Variants in SLC44A1 observed in about 807,000 individuals in gnomAD.
SLC44A1 encodes the protein solute carrier family 44 member 1.
A neutral mutation model predicts 79.3 loss-of-function variants in SLC44A1; 26 were observed. The observed-to-expected ratio is 0.33, with a 90% CI of 0.24 to 0.46. The LOEUF (loss-of-function observed/expected upper bound fraction) is 0.46, where lower values mean the gene tolerates loss of function less well. Ranked by LOEUF, SLC44A1 falls within the 20% of genes least tolerant of loss-of-function variation. The pLI, the probability that SLC44A1 is intolerant of heterozygous loss-of-function variation, is 1.00. For synonymous variants in SLC44A1, 263 were observed against 286.2 expected, an observed-to-expected ratio of 0.92 and a Z score of 0.82; for missense variants, 688 against 798.1, an observed-to-expected ratio of 0.86 and a Z score of 1.66.
At chr9:105,250,774 T>C (rs1829565394) in intron 1 of SLC44A1, among the ~76,000 whole-genome samples, 1 of 152,212 alleles carries the variant, frequency 6.6e-6, no homozygotes, top group South Asian at 2.1e-4. Flanking sequence ...TTGGAATCAC[T>C]TGGAGAAGTT....
At chr9:105,435,390 G>C (rs1236728641) in intron 15 of SLC44A1, among the ~76,000 whole-genome samples, 1 of 152,164 alleles carries the variant, frequency 6.6e-6, no homozygotes, top group Non-Finnish European at 1.5e-5. Context: ...AAGAGTGTTG[G>C]GAGTGGAACT....
intron 2 of SLC44A1, among the ~76,000 whole-genome samples, chr9:105,301,490 C>G (rs942909564): frequency 7.2e-5 from 11 of 152,184 alleles, no homozygotes; most frequent in African/African-American, 2.7e-4. Context: ...TCTCAAAGTT[C>G]TATTCCTTGG....
At chr9:105,368,739 T>A (rs891536258) in intron 12 of SLC44A1, among the ~76,000 whole-genome samples, 2 of 152,188 alleles carry the variant, frequency 1.3e-5, no homozygotes, top group African/African-American at 4.8e-5. Context: ...ATTATGTTTT[T>A]AAAGAAAATC....
chr9:105,276,184 C>T (rs915679483), intron 1 of SLC44A1, among the ~76,000 whole-genome samples: 1 of 152,168 alleles, frequency 6.6e-6, no homozygotes. Context: ...TGTCCTTGAT[C>T]TGAGGAAGCA....
chr9:105,389,715 C>T lies in SLC44A1; in HGVS notation c.*659C>T. The T allele has an allele frequency of 7.8e-7, 1 of 1,276,320 alleles. No homozygotes were observed. Among genetic ancestry groups the T allele is most frequent in the Non-Finnish European group, 9.9e-7 (1 of 1,009,192 alleles). The allele number at this position is 1,276,320 out of a possible 1,614,324, so 79.1% of individuals were successfully genotyped here. On this transcript the variant is annotated 3_prime_UTR_variant, in exon 16 of 16. Coordinates refer to ENST00000374720, the MANE Select transcript of SLC44A1 (RefSeq NM_080546.5). ...GTATTTGTAGTTTACCCTAACGCTTCTTTAAAAGAAAGTAGGTAAAAAAAG... is the reference window on the plus strand; with the variant it reads ...GTATTTGTAGTTTACCCTAACGCTTTTTTAAAAGAAAGTAGGTAAAAAAAG...
intron 1 of SLC44A1, among the ~76,000 whole-genome samples, chr9:105,287,997 T>A (rs1313352128): frequency 6.6e-6 from 1 of 152,222 alleles, no homozygotes; most frequent in Non-Finnish European, 1.5e-5. Flanking sequence ...ATATAATGTA[T>A]GTTATTTCTT....
intron 1 of SLC44A1, among the ~76,000 whole-genome samples, chr9:105,262,469 C>T (rs1829863994): frequency 6.6e-6 from 1 of 152,198 alleles, no homozygotes; most frequent in East Asian, 1.9e-4. Context: ...GTTGAAATGA[C>T]CAGCTTTTAA....
In SLC44A1 at chr9:105,407,057, CA is replaced by C. The variant is rs1398253041; in HGVS notation, c.1950+21557del. On this transcript the variant is annotated intron_variant, in intron 15 of 15. Transcript: ENST00000374724. Reference sequence around the variant, plus strand: ...AGAATCACCAAATTTGAAGATAGATCAACTGAGATTATTCAGTCTAAGGAGC... The same window carrying C: ...AGAATCACCAAATTTGAAGATAGATCACTGAGATTATTCAGTCTAAGGAGC... Among the ~76,000 whole-genome samples, 6 of 152,072 alleles carry C rather than the reference CA, an allele frequency of 3.9e-5. No individual in the cohort carries two copies. In the East Asian group the frequency reaches 1.2e-3, roughly 29 times the overall value.
intron 4 of SLC44A1, among the ~76,000 whole-genome samples, chr9:105,346,027 T>G (rs1302884297): frequency 6.7e-6 from 1 of 150,146 alleles, no homozygotes; most frequent in Non-Finnish European, 1.5e-5. Context: ...ACCTTCAAAA[T>G]GTTAACTGAA....
chr9:105,278,729 G>C (rs755806563), intron 1 of SLC44A1, among the ~76,000 whole-genome samples: 1 of 152,180 alleles, frequency 6.6e-6, no homozygotes, highest in African/African-American at 2.4e-5. Flanking sequence ...AGATAACTTA[G>C]AAGGAAAGTA....
rs1200747174 is a variant in SLC44A1 at position 105,364,592 on chromosome 9, C to T, written c.1125C>T (p.Phe375=). The change falls in exon 10 of 16, where the codon TTC becomes TTT. Residue 375 remains phenylalanine (F), a synonymous_variant. Coordinates refer to ENST00000374720, the MANE Select transcript of SLC44A1 (RefSeq NM_080546.5). The part of the protein sequence containing the change: ...PVQNEQGFVE[F]KISGPLQYMW... ...AGAATGAGCAAGGCTTTGTGGAGTT[C>T]AAAATTTCTGGGCCTCTGCAGTACA... 1 of 1,614,008 alleles carries T rather than the reference C, an allele frequency of 6.2e-7. No homozygotes were observed. Among genetic ancestry groups the T allele is most frequent in the South Asian group, 1.1e-5 (1 of 91,048 alleles).
chr9:105,256,469 A>G (rs1336051503), intron 1 of SLC44A1, among the ~76,000 whole-genome samples: 1 of 152,110 alleles, frequency 6.6e-6, no homozygotes. Context: ...CAGGGCTAAT[A>G]TGAGACTCCT....
chr9:105,436,188 A>ACT (rs1829461792), intron 15 of SLC44A1, among the ~76,000 whole-genome samples: 1 of 152,182 alleles, frequency 6.6e-6, no homozygotes, highest in Non-Finnish European at 1.5e-5. Flanking sequence ...AGAAAGCAAG[A>ACT]CTCTATCTCA....
chr9:105,407,869 C>CA (rs1261126060), intron 15 of SLC44A1, among the ~76,000 whole-genome samples: 1 of 146,678 alleles, frequency 6.8e-6, no homozygotes, highest in East Asian at 2.1e-4. Context: ...GACTCTGTCT[C>CA]AAAAAATAAA....
Position 105,268,844 on chromosome 9 carries a change from A to C in SLC44A1, c.36+23940A>C, listed in dbSNP as rs189033198. Among the ~76,000 whole-genome samples, 3 of 152,336 alleles carry C rather than the reference A, an allele frequency of 2.0e-5. No homozygotes were observed. The East Asian group carries it at 5.8e-4, about 29-fold the overall frequency. On this transcript the variant is annotated intron_variant, in intron 1 of 15. Coordinates refer to ENST00000374720, the MANE Select transcript of SLC44A1 (RefSeq NM_080546.5). Reference sequence around the variant, plus strand: ...TATGCAAAAAGCAACTCACTAAAGTAGATATAGGTAGTCCTTTCTTCTGGA... The same window carrying C: ...TATGCAAAAAGCAACTCACTAAAGTCGATATAGGTAGTCCTTTCTTCTGGA...
chr9:105,403,474 G>A (rs533363134), intron 15 of SLC44A1, among the ~76,000 whole-genome samples: 18 of 152,022 alleles, frequency 1.2e-4, no homozygotes, highest in Admixed American at 2.6e-4. Flanking sequence ...TGAGTTACAC[G>A]ACATGGTTCT....
At chr9:105,259,149 C>T (rs546908097) in intron 1 of SLC44A1, among the ~76,000 whole-genome samples, 4 of 152,232 alleles carry the variant, frequency 2.6e-5, no homozygotes, top group African/African-American at 9.6e-5. Context: ...GGCTACTGTG[C>T]GTATCCTCCA....
At chr9:105,402,660 G>A (rs570568415) in intron 15 of SLC44A1, among the ~76,000 whole-genome samples, 16 of 130,302 alleles carry the variant, frequency 1.2e-4, no homozygotes, top group Non-Finnish European at 1.9e-4. Flanking sequence ...TAACAAAGGC[G>A]TGTGTCGCTT....
At chr9:105,271,438 A>AGGAT (rs1383673124) in intron 1 of SLC44A1, among the ~76,000 whole-genome samples, 15 of 152,286 alleles carry the variant, frequency 9.8e-5, no homozygotes, top group African/African-American at 3.6e-4. Context: ...TTGGTCTTAA[A>AGGAT]GGATGAATAA....
Sources: allele counts gnomAD v4.1 joint callset (sites outside exome capture counted in the v4.1 genomes callset), GRCh38; gene constraint gnomAD v4.1.1; transcripts MANE v1.5; gene names NCBI Gene and HGNC (gene_info 2026-07-23, HGNC 2026-07-21).